The following NRXN3 variants were observed in gnomAD, a reference collection of about 807,000 sequenced individuals.
The protein encoded by NRXN3 is neurexin III.
In NRXN3, 32 loss-of-function variants were observed where a neutral mutation model predicts 137.6. That is an observed-to-expected ratio of 0.23 (90% CI 0.18 to 0.31). The LOEUF (loss-of-function observed/expected upper bound fraction) is 0.31, where lower values mean the gene tolerates loss of function less well. NRXN3 is among the 10% of genes least tolerant of loss of function. NRXN3 has a pLI of 1.00. For synonymous variants in NRXN3, 798 were observed against 784.5 expected (o/e 1.02, Z -0.29); for missense variants, 1,574 against 2,062.5 (o/e 0.76, Z 4.59).
chr14:79,142,877 G>A (rs1372580113), intron 15 of NRXN3, among the ~76,000 whole-genome samples: 1 of 152,166 alleles, frequency 6.6e-6, no homozygotes. Flanking sequence ...GAAATATACA[G>A]AATAAGTGCA....
At chr14:78,900,834 CT>C (rs1417299899) in intron 10 of NRXN3, among the ~76,000 whole-genome samples, 1 of 151,934 alleles carries the variant, frequency 6.6e-6, no homozygotes, top group Non-Finnish European at 1.5e-5. Context: ...ATATTGAATG[CT>C]TGCTCTTACT....
intron 4 of NRXN3, among the ~76,000 whole-genome samples, chr14:78,528,246 C>A (rs555004743): frequency 6.6e-6 from 1 of 152,246 alleles, no homozygotes; most frequent in South Asian, 2.1e-4. Context: ...TAGTTCCTGG[C>A]CCAGCGGCAA....
In NRXN3 at chr14:78,484,023, CACACAGAGAG is replaced by C. The variant is rs1163500876; in HGVS notation, c.758-161095_758-161086del. Among the ~76,000 whole-genome samples the C allele has an allele frequency of 3.1e-3, 322 of 104,190 alleles. 1 individual carries two copies. Among genetic ancestry groups the C allele is most frequent in the Middle Eastern group, 6.0e-3 (1 of 166 alleles). 68.4% of individuals were successfully genotyped at this position (104,190 alleles called of 152,430 possible). On this transcript the variant is annotated intron_variant, in intron 4 of 20. Transcript: ENST00000335750. ...ACACACACACACACACACACACACA[CACACAGAGAG>C]AGAGAGAGAGAGAGAGCAAAAAAAG...
At chr14:78,998,330 G>A (rs955389937) in intron 15 of NRXN3, among the ~76,000 whole-genome samples, 1 of 152,182 alleles carries the variant, frequency 6.6e-6, no homozygotes, top group Admixed American at 6.5e-5. Context: ...AATGGGCTGT[G>A]CTTCAAGCCG....
At chr14:78,424,932 C>T (rs562266198) in intron 4 of NRXN3, among the ~76,000 whole-genome samples, 1 of 152,296 alleles carries the variant, frequency 6.6e-6, no homozygotes, top group Admixed American at 6.5e-5. Flanking sequence ...TTGCTGTGTT[C>T]TTAATACTCT....
At chr14:79,616,472 G>T (rs1398970926) in intron 16 of NRXN3, among the ~76,000 whole-genome samples, 3 of 152,192 alleles carry the variant, frequency 2.0e-5, no homozygotes, top group Admixed American at 2.0e-4. Flanking sequence ...GAAAAAGGGA[G>T]AGCAAGGTTA....
chr14:78,423,997 A>G (rs539084089), intron 4 of NRXN3, among the ~76,000 whole-genome samples: 1 of 152,336 alleles, frequency 6.6e-6, no homozygotes, highest in East Asian at 1.9e-4. Flanking sequence ...AAAGTGGTTT[A>G]TAGTCTAGAT....
rs113896490 is a variant in NRXN3 at position 78,967,093 on chromosome 14, A to T, written c.2778-115A>T. ...ATATCAAGATTTAAATTATTCCTGC[A>T]TTATGCCAGTTTAGCATGGGGGATT... is the stretch of plus-strand genomic sequence containing the variant. On this transcript the variant is annotated intron_variant, in intron 12 of 20. Transcript: ENST00000335750. 12 of 790,018 alleles carry T rather than the reference A, an allele frequency of 1.5e-5. No individual in the cohort carries two copies. In the African/African-American group the frequency reaches 2.1e-4, roughly 14 times the overall value. 48.9% of individuals were successfully genotyped at this position (790,018 alleles called of 1,614,324 possible).
chr14:78,931,458 A>G (rs1408905801), intron 10 of NRXN3, among the ~76,000 whole-genome samples: 4 of 152,186 alleles, frequency 2.6e-5, no homozygotes, highest in South Asian at 2.1e-4. Context: ...ACTTTGTGAT[A>G]TCACATTTAA....
At chr14:78,717,914 C>T (rs923035492) in intron 8 of NRXN3, among the ~76,000 whole-genome samples, 2 of 152,176 alleles carry the variant, frequency 1.3e-5, no homozygotes, top group Non-Finnish European at 1.5e-5. Context: ...AGAATGGCCA[C>T]TTCTATATGG....
chr14:78,467,878 A>G (rs146806399), intron 4 of NRXN3, among the ~76,000 whole-genome samples: 94 of 151,888 alleles, frequency 6.2e-4, no homozygotes, highest in African/African-American at 2.3e-3. Flanking sequence ...TACACCTCCT[A>G]TTTGTAAATA....
At chr14:78,709,909 A>C in intron 7 of NRXN3, 1 of 471,122 alleles carries the variant, frequency 2.1e-6, no homozygotes, top group East Asian at 3.9e-5. Flanking sequence ...GGAGCTAAGG[A>C]TGGTTTTACA....
intron 15 of NRXN3, among the ~76,000 whole-genome samples, chr14:79,205,031 T>G (rs1276098326): frequency 6.6e-6 from 1 of 152,172 alleles, no homozygotes; most frequent in African/African-American, 2.4e-5. Context: ...GCATTGTAGA[T>G]TGTGTCAGCA....
chr14:79,508,598 G>A (rs908200756), intron 16 of NRXN3, among the ~76,000 whole-genome samples: 2 of 151,090 alleles, frequency 1.3e-5, no homozygotes, highest in African/African-American at 2.4e-5. Context: ...CACCATGTTG[G>A]CCAGGCTGGT....
In NRXN3 at chr14:78,828,996, A is replaced by C. The variant is rs573940016; in HGVS notation, c.2275+18652A>C. Among the ~76,000 whole-genome samples the C allele has an allele frequency of 2.0e-5, 3 of 152,260 alleles. No homozygotes were observed. In the East Asian group the frequency reaches 5.8e-4, roughly 29 times the overall value. On this transcript the variant is annotated intron_variant, in intron 10 of 20. Coordinates refer to ENST00000335750, the MANE Select transcript of NRXN3 (RefSeq NM_001330195.2). ...TTGGACATTTGATACTTGAATGATG[A>C]GAAGGATCTAGTCTTGGAAGGGTTT... is the stretch of plus-strand genomic sequence containing the variant.
At chr14:79,049,830 A>G (rs1384344250) in intron 15 of NRXN3, among the ~76,000 whole-genome samples, 4 of 152,020 alleles carry the variant, frequency 2.6e-5, no homozygotes, top group Non-Finnish European at 5.9e-5. Flanking sequence ...TCCACTCTGT[A>G]TAAATTGTAC....
intron 4 of NRXN3, among the ~76,000 whole-genome samples, chr14:78,449,665 G>A (rs2094504943): frequency 1.3e-5 from 2 of 152,320 alleles, no homozygotes; most frequent in African/African-American, 4.8e-5. Context: ...TGGGGCATGA[G>A]CATTAATATC....
chr14:78,570,418 T>C (rs1414628793), intron 4 of NRXN3, among the ~76,000 whole-genome samples: 1 of 152,238 alleles, frequency 6.6e-6, no homozygotes, highest in Non-Finnish European at 1.5e-5. Flanking sequence ...TACTTAGTTA[T>C]AGAAGCCCAG....
chr14:79,853,130 A>G (rs1319111859), intron 20 of NRXN3, among the ~76,000 whole-genome samples: 1 of 152,112 alleles, frequency 6.6e-6, no homozygotes, highest in African/African-American at 2.4e-5. Flanking sequence ...ATTTCTCTAT[A>G]GAGAAGTAAT....
Sources: allele counts gnomAD v4.1 joint callset (sites outside exome capture counted in the v4.1 genomes callset), GRCh38; gene constraint gnomAD v4.1.1; transcripts MANE v1.5; gene names NCBI Gene and HGNC (gene_info 2026-07-23, HGNC 2026-07-21).